The following RGPD3 variants were observed in gnomAD, a reference collection of about 807,000 sequenced individuals.
RGPD3 encodes the protein RANBP2 like and GRIP domain containing 3.
RGPD3 carries 62 observed loss-of-function variants against 154.5 expected under a neutral mutation model. The ratio of observed to expected loss-of-function variants is 0.40; its 90% CI spans 0.33 to 0.50. The LOEUF (loss-of-function observed/expected upper bound fraction) is 0.50. RGPD3 is among the 20% of genes least tolerant of loss of function. RGPD3 has a pLI of 0.59. For missense variants in RGPD3, 919 were observed against 1,716.8 expected, an observed-to-expected ratio of 0.54 and a Z score of 8.21; for synonymous variants, 308 against 607.0, an observed-to-expected ratio of 0.51 and a Z score of 7.24.
At chr2:106,457,309 A>C (rs1370137134) in intron 3 of RGPD3, among the ~76,000 whole-genome samples, 186 bp from the exon 4 acceptor site, 1 of 152,266 alleles carries the variant, frequency 6.6e-6, no homozygotes, top group East Asian at 1.9e-4. Flanking sequence ...ATTTTCTGGA[A>C]ATGAACCAAA....
chr2:106,437,825 T>G (rs891637757), intron 9 of RGPD3, among the ~76,000 whole-genome samples: 84 of 152,140 alleles, frequency 5.5e-4, no homozygotes, highest in African/African-American at 2.0e-3. Context: ...TATTTATAGT[T>G]TTAATACAGA....
intron 1 of RGPD3, among the ~76,000 whole-genome samples, chr2:106,459,650 T>C (rs879764551): frequency 3.3e-3 from 449 of 135,752 alleles, no homozygotes; most frequent in Non-Finnish European, 5.4e-3. Flanking sequence ...TCTACAAAAA[T>C]AGAAAAATTA....
intron 6 of RGPD3, among the ~76,000 whole-genome samples, chr2:106,448,696 T>G (rs978924230): frequency 1.3e-5 from 2 of 151,592 alleles, no homozygotes; most frequent in Non-Finnish European, 2.9e-5. Flanking sequence ...TGAGTTTTTT[T>G]GTTTTTGTTT....
At chr2:106,409,768 A>T (rs1482667741) in intron 22 of RGPD3, among the ~76,000 whole-genome samples, 2 of 149,246 alleles carry the variant, frequency 1.3e-5, no homozygotes, top group African/African-American at 5.0e-5. Context: ...TCCTTTTAGA[A>T]CTTCGATTAG....
At chr2:106,469,864 C>A (rs1237838436), upstream of RGPD3, among the ~76,000 whole-genome samples, 8 of 152,304 alleles carry the variant, frequency 5.3e-5, no homozygotes, top group African/African-American at 1.9e-4. Context: ...TCCCAAAATA[C>A]ACCTATTTAC....
In RGPD3 at chr2:106,457,196, T is replaced by C. The variant is rs1403052763; in HGVS notation, c.253-73A>G. ...GTATGTAGGAGTATATATACTTATA[T>C]ACTTATATATAAAGGTTAAAAATTA... On this transcript the variant is annotated intron_variant, in intron 3 of 22. Transcript: ENST00000409886. 8 of 1,530,516 alleles carry C rather than the reference T, an allele frequency of 5.2e-6. No homozygotes were observed. The African/African-American group carries it at 7.0e-5, about 13-fold the overall frequency. The allele number at this position is 1,530,516 out of a possible 1,614,324, so 94.8% of individuals were successfully genotyped here.
Position 106,462,001 on chromosome 2 carries a change from C to G in RGPD3, c.73-2669G>C, listed in dbSNP as rs1463132705. Among the ~76,000 whole-genome samples, 149 of 152,052 alleles carry G rather than the reference C, an allele frequency of 9.8e-4. 2 individuals are homozygous for G. In the East Asian group the frequency reaches 0.025, roughly 26 times the overall value. Reference sequence around the variant, plus strand: ...GATCTCAGCTCACTGCAACCTCTGCCTCCCAGGTACAAGCTGGGACTACAG... The same window carrying G: ...GATCTCAGCTCACTGCAACCTCTGCGTCCCAGGTACAAGCTGGGACTACAG... On this transcript the variant is annotated intron_variant, in intron 1 of 22. Transcript: ENST00000409886.
chr2:106,415,893 C>T lies in RGPD3; in HGVS notation c.5021G>A (p.Arg1674Gln), dbSNP rs1411194566. Reference protein sequence around the residue: ...KSADHLNGLLREIEATNAVLM... With the variant: ...KSADHLNGLLQEIEATNAVLM... Reference sequence around the variant, plus strand: ...GACTGCATTGGTTGCCTCTATTTCCCGAAGCAGGCCGTTTAAGTGATCTGC... The same window carrying T: ...GACTGCATTGGTTGCCTCTATTTCCTGAAGCAGGCCGTTTAAGTGATCTGC... Residue 1674 changes from arginine to glutamine, a missense_variant, in exon 21 of 23, where the codon CGG (arginine) becomes CAG (glutamine). Physicochemically the swap from Arg to Gln is conservative, Grantham distance 43. Coordinates refer to ENST00000409886, the MANE Select transcript of RGPD3 (RefSeq NM_001144013.2). 9.3e-6 allele frequency: 15 copies of T among 1,611,730 alleles called. No individual in the cohort carries two copies. Among genetic ancestry groups the T allele is most frequent in the African/African-American group, 6.7e-5 (5 of 74,798 alleles).
chr2:106,412,352 C>T (rs1295419389), intron 22 of RGPD3, among the ~76,000 whole-genome samples: 2 of 116,540 alleles, frequency 1.7e-5, no homozygotes, highest in Middle Eastern at 9.3e-3. Context: ...CTCGCTCTGC[C>T]GTCAGGCTGG....
At position 106,418,392 on chromosome 2, in the gene RGPD3, C is replaced by T. The variant is rs1005001992; in HGVS notation, c.4925-2403G>A. ...CTGCATACTTCTTGAAACACACTTGCTGAAATCTGCTTGGTAGACATCCTC... is the reference window on the plus strand; with the variant it reads ...CTGCATACTTCTTGAAACACACTTGTTGAAATCTGCTTGGTAGACATCCTC... On this transcript the variant is annotated intron_variant, in intron 20 of 22. Coordinates refer to ENST00000409886, the MANE Select transcript of RGPD3 (RefSeq NM_001144013.2). Among the ~76,000 whole-genome samples the T allele has an allele frequency of 2.3e-4, 35 of 151,370 alleles. 1 individual carries two copies. The highest frequency in any genetic ancestry group is 6.8e-4 in the African/African-American group (28 of 41,228).
At chr2:106,445,331 A>G (rs1354663438) in intron 7 of RGPD3, among the ~76,000 whole-genome samples, 3 of 151,694 alleles carry the variant, frequency 2.0e-5, no homozygotes, top group African/African-American at 7.2e-5. Flanking sequence ...ACTATCAGTT[A>G]CTTGAGAATT....
Position 106,406,131 on chromosome 2 carries a change from A to G in RGPD3, c.5267-902T>C, listed in dbSNP as rs1229518180. 2.7e-5 allele frequency among the ~76,000 whole-genome samples: 4 copies of G among 148,112 alleles called. No homozygotes were observed. The East Asian group carries it at 8.2e-4, about 30-fold the overall frequency. On this transcript the variant is annotated intron_variant, in intron 22 of 22. Coordinates refer to ENST00000409886, the MANE Select transcript of RGPD3 (RefSeq NM_001144013.2). ...CCAATAGATTTATGGTAAACCTTAA[A>G]ACTGAACCAAAACAAACAAAAACCA...
At chr2:106,432,210 T>C (rs2104470595) in intron 17 of RGPD3, among the ~76,000 whole-genome samples, 1 of 148,896 alleles carries the variant, frequency 6.7e-6, no homozygotes, top group Admixed American at 6.8e-5. Context: ...CCCAGCACTT[T>C]GGGAGGCCAA....
intron 4 of RGPD3, among the ~76,000 whole-genome samples, chr2:106,455,084 T>A (rs1678205783): frequency 6.6e-6 from 1 of 152,234 alleles, no homozygotes; most frequent in South Asian, 2.1e-4. Context: ...GTGGATCACC[T>A]GAGAACCCGG....
rs1676464285 is a variant in RGPD3 at position 106,405,046 on chromosome 2, A to G, written c.*173T>C. On this transcript the variant is annotated 3_prime_UTR_variant, in exon 23 of 23. Transcript: ENST00000409886. Reference sequence around the variant, plus strand: ...ACATCTGTCATATAGATGTACAAATATATGTAAATGCAAACATATACACAC... The same window carrying G: ...ACATCTGTCATATAGATGTACAAATGTATGTAAATGCAAACATATACACAC... 1.4e-6 allele frequency: 1 copy of G among 721,792 alleles called. No individual in the cohort carries two copies. Among genetic ancestry groups the G allele is most frequent in the African/African-American group, 1.8e-5 (1 of 55,542 alleles). The allele number at this position is 721,792 out of a possible 1,614,324, so 44.7% of individuals were successfully genotyped here. A position where few individuals can be genotyped will look rare whatever the true frequency, so the allele number is the denominator to read the frequency against.
chr2:106,462,045 AGCTAATTTTTGTATTTTCAGTAGAGATG>A (rs1294861652), intron 1 of RGPD3, among the ~76,000 whole-genome samples: 3 of 151,646 alleles, frequency 2.0e-5, no homozygotes, highest in African/African-American at 7.3e-5. Context: ...CACCATGCCC[AGCTAATTTTTGTATTTTCAGTAGAGATG>A]GGGTTTCACC....
At chr2:106,450,003 C>T (rs1394176316) in intron 6 of RGPD3, among the ~76,000 whole-genome samples, 7 of 146,846 alleles carry the variant, frequency 4.8e-5, no homozygotes, top group East Asian at 4.2e-4. Context: ...GGCAACAGAG[C>T]GAGACTCCGT....
In RGPD3 at chr2:106,418,135, AAAAC is replaced by A. The variant is rs975368026; in HGVS notation, c.4925-2150_4925-2147del. Among the ~76,000 whole-genome samples, 10 of 144,596 alleles carry A rather than the reference AAAAC, an allele frequency of 6.9e-5. 2 individuals carry two copies. The highest frequency in any genetic ancestry group is 1.4e-4 in the Admixed American group (2 of 14,236). 94.9% of individuals were successfully genotyped at this position (144,596 alleles called of 152,430 possible). A position where few individuals can be genotyped will look rare whatever the true frequency, so the allele number is the denominator to read the frequency against. The stretch of plus-strand genomic sequence containing the variant: ...GAGCAAGACTCCAGCTCAAAACAAA[AAAAC>A]AAACAAAAAAAAACTTAGTCATCAA... On this transcript the variant is annotated intron_variant, in intron 20 of 22. Coordinates refer to ENST00000409886, the MANE Select transcript of RGPD3 (RefSeq NM_001144013.2).
chr2:106,442,019 A>T (rs369620699), intron 7 of RGPD3, among the ~76,000 whole-genome samples: 10,430 of 128,066 alleles, frequency 0.081, 362 homozygotes, highest in Middle Eastern at 0.14. Context: ...ATCTCTAAAA[A>T]AAGTTTTTTT....
Sources: gnomAD v4.1 joint callset for allele counts (sites outside exome capture counted in the v4.1 genomes callset) on GRCh38, gnomAD v4.1.1 for gene constraint, MANE v1.5 for transcripts, NCBI Gene and HGNC (gene_info 2026-07-23, HGNC 2026-07-21) for gene names.